CDT1: variants seen among roughly 807,000 people sequenced by gnomAD.
CDT1 encodes chromatin licensing and DNA replication factor 1, also known as DNA replication factor Cdt1.
A neutral mutation model predicts 49.3 loss-of-function variants in CDT1; 66 were observed. That is an observed-to-expected ratio of 1.34 (90% CI 1.10 to 1.64). The LOEUF (loss-of-function observed/expected upper bound fraction) is 1.64. Among genes scored for constraint, CDT1 ranks in the 40% most tolerant of loss-of-function variants. CDT1 has a pLI of 0.00. For synonymous variants in CDT1, 424 were observed against 347.4 expected (o/e 1.22, Z -2.45); for missense variants, 958 against 807.7 (o/e 1.19, Z -2.26).
chr16:88,806,550 C>T lies in CDT1; in HGVS notation c.998C>T (p.Pro333Leu), dbSNP rs150252167. The stretch of plus-strand genomic sequence containing the variant: ...GAGGACCAGCTGACCCGCTGGCACC[C>T]GCGCTTCAACGTGGATGAAGTACCC... ...VPEDQLTRWH[P>L]RFNVDEVPDI... The change falls in exon 7 of 10, where the codon CCG becomes CTG. Residue 333 changes from proline to leucine, a missense_variant. Pro to Leu is a moderately conservative substitution (Grantham distance 98). Coordinates refer to ENST00000301019, the MANE Select transcript of CDT1 (RefSeq NM_030928.4). 1.9e-5 allele frequency: 31 copies of T among 1,609,294 alleles called. No homozygotes were observed. The highest frequency in any genetic ancestry group is 1.6e-4 in the Middle Eastern group (1 of 6,078).
In CDT1 at chr16:88,808,103, C is replaced by T. The variant is rs2142947315; in HGVS notation, c.1478-12C>T. The T allele has an allele frequency of 6.2e-7, 1 of 1,611,534 alleles. No homozygotes were observed. The highest frequency in any genetic ancestry group is 8.5e-7 in the Non-Finnish European group (1 of 1,179,426). ...CCAGCACCAGCCTCAGTGTCCTCCT[C>T]TCCTCCCCCAGGGGAAATGGAGAAG... On this transcript the variant is annotated splice_polypyrimidine_tract_variant and intron_variant, in intron 9 of 9. Transcript: ENST00000301019.
chr16:88,805,992 G>T, intron 5 of CDT1, 29 bp from the exon 6 acceptor site: 1 of 1,577,576 alleles, frequency 6.3e-7, no homozygotes, highest in East Asian at 2.3e-5. Flanking sequence ...GTGGCCTGGT[G>T]GGGACTTAGG....
chr16:88,803,884 C>A lies in CDT1; in HGVS notation c.53C>A (p.Pro18His). The change falls in exon 1 of 10, where the codon CCC becomes CAC. Residue 18 changes from proline (P) to histidine (H), a missense_variant. Coordinates refer to ENST00000301019, the MANE Select transcript of CDT1 (RefSeq NM_030928.4). ...DFFARRRPGP[P>H]RIAPPKLACR... ...TTCGCGCGCCGCCGCCCCGGGCCCC[C>A]CCGCATCGCGCCGCCCAAGCTGGCC... 1.4e-6 allele frequency: 2 copies of A among 1,466,600 alleles called. No individual in the cohort carries two copies. The highest frequency in any genetic ancestry group is 9.0e-7 in the Non-Finnish European group (1 of 1,106,014). The allele number at this position is 1,466,600 out of a possible 1,614,324, so 90.8% of individuals were successfully genotyped here.
chr16:88,807,213 C>T lies in CDT1; in HGVS notation c.1275+10C>T. ...GGATCTGCTGGAGCGGGTGAGTCGT[C>T]CCCAGTGATGGCGGGTGGGCGCCTG... On this transcript the variant is annotated intron_variant, in intron 8 of 9. Coordinates refer to ENST00000301019, the MANE Select transcript of CDT1 (RefSeq NM_030928.4). 8.1e-6 allele frequency: 13 copies of T among 1,612,246 alleles called. No homozygotes were observed. Among genetic ancestry groups the T allele is most frequent in the South Asian group, 1.1e-5 (1 of 91,044 alleles).
intron 6 of CDT1, 126 bp from the exon 7 acceptor site, chr16:88,806,360 A>ACTGAG: frequency 8.2e-7 from 1 of 1,215,078 alleles, no homozygotes. Context: ...CAAGCTGAGC[A>ACTGAG]CTGGGCAGAG....
rs748552177 is a variant in CDT1 at position 88,807,392 on chromosome 16, A to G, written c.1387A>G (p.Ser463Gly). The G allele has an allele frequency of 1.1e-5, 17 of 1,612,642 alleles. No individual in the cohort carries two copies. The Admixed American group carries it at 2.8e-4, about 27-fold the overall frequency. ...RLPELARVLR[S>G]VFVSERKPAL... is the part of the protein sequence containing the mutation. ...GCCTGAGCTGGCCCGCGTGCTGCGGAGCGTCTTTGTGTCCGAACGCAAGCC... is the reference window on the plus strand; with the variant it reads ...GCCTGAGCTGGCCCGCGTGCTGCGGGGCGTCTTTGTGTCCGAACGCAAGCC... Residue 463 changes from serine (S) to glycine (G), a missense_variant, in exon 9 of 10, where the codon AGC becomes GGC. Ser to Gly is a moderately conservative substitution (Grantham distance 56). Transcript: ENST00000301019.
chr16:88,804,672 G>T lies in CDT1; in HGVS notation c.351+5G>T. On this transcript the variant is annotated splice_donor_5th_base_variant and intron_variant, in intron 2 of 9. Transcript: ENST00000301019. ...CTGACATCCGCGCAGGACCAGGTGA[G>T]GGGCGGGGCCTGGGGCAGATGCGGG... The T allele has an allele frequency of 1.9e-6, 3 of 1,612,338 alleles. No homozygotes were observed. Among genetic ancestry groups the T allele is most frequent in the East Asian group, 2.2e-5 (1 of 44,876 alleles).
Position 88,806,659 on chromosome 16 carries a change from C to T in CDT1, c.1107C>T (p.Asn369=), listed in dbSNP as rs775639705. The T allele has an allele frequency of 5.3e-5, 85 of 1,608,726 alleles. 1 individual carries two copies. Among genetic ancestry groups the T allele is most frequent in the Non-Finnish European group, 6.4e-5 (76 of 1,178,812 alleles). Residue 369 remains asparagine (N), a synonymous_variant, in exon 7 of 10, where the codon AAC becomes AAT. Transcript: ENST00000301019. ...AGGAGGTGCTGGCCCGGGCCCGCAA[C>T]CTGATTTCACCCAGGGTGAGACTGC... ...TAQEVLARAR[N]LISPRMEKAL... is the part of the protein sequence containing the mutation.
chr16:88,807,145 C>T lies in CDT1; in HGVS notation c.1217C>T (p.Thr406Ile), dbSNP rs1172232372. The change falls in exon 8 of 10, where the codon ACC becomes ATC. Residue 406 changes from threonine to isoleucine, a missense_variant. Coordinates refer to ENST00000301019, the MANE Select transcript of CDT1 (RefSeq NM_030928.4). ...GCACTGCCGGCTACCCCACCAGCCA[C>T]CCCGCCTGCAGCCTCTCCCAGTGCT... ...RPALPATPPA[T>I]PPAASPSALK... is the part of the protein sequence containing the mutation. The T allele has an allele frequency of 1.2e-6, 2 of 1,612,554 alleles. No homozygotes were observed. The highest frequency in any genetic ancestry group is 2.2e-5 in the South Asian group (2 of 91,062).
rs146476365 is a variant in CDT1, at chr16:88,806,124, G to A, written c.933+3G>A. 196 of 1,592,816 alleles carry A rather than the reference G, an allele frequency of 1.2e-4. No homozygotes were observed. The highest frequency in any genetic ancestry group is 1.0e-4 in the Non-Finnish European group (117 of 1,174,828). ...AGCATGTCAAGGAGCACCACAAGGT[G>A]AGCGGCCCCCGGCCCCGCTGTGTGA... is the stretch of plus-strand genomic sequence containing the variant. On this transcript the variant is annotated splice_donor_region_variant and intron_variant, in intron 6 of 9. Coordinates refer to ENST00000301019, the MANE Select transcript of CDT1 (RefSeq NM_030928.4).
intron 9 of CDT1, 142 bp downstream of exon 9, chr16:88,807,624 G>A: frequency 1.1e-6 from 1 of 870,404 alleles, no homozygotes; most frequent in South Asian, 1.6e-5. Flanking sequence ...TTGCACTGGT[G>A]TGTCCTGGGC....
Position 88,809,119 on chromosome 16 carries a change from C to T in CDT1, c.*841C>T, listed in dbSNP as rs574639635. The T allele has an allele frequency of 1.8e-4, 45 of 257,068 alleles. No individual in the cohort carries two copies. Among genetic ancestry groups the T allele is most frequent in the South Asian group, 8.9e-4 (21 of 23,540 alleles). 15.9% of individuals were successfully genotyped at this position (257,068 alleles called of 1,614,324 possible). The stretch of plus-strand genomic sequence containing the variant: ...CAGCTTTGAAGACGCGGCCCTGCCC[C>T]GACACAGGCAGCCTGGAGAAGCTGG... On this transcript the variant is annotated 3_prime_UTR_variant, in exon 10 of 10. Coordinates refer to ENST00000301019, the MANE Select transcript of CDT1 (RefSeq NM_030928.4).
Position 88,804,685 on chromosome 16 carries a change from G to A in CDT1, c.351+18G>A. The A allele has an allele frequency of 1.9e-6, 3 of 1,612,240 alleles. No individual in the cohort carries two copies. The highest frequency in any genetic ancestry group is 2.5e-6 in the Non-Finnish European group (3 of 1,179,752). ...AGGACCAGGTGAGGGGCGGGGCCTG[G>A]GGCAGATGCGGGAGGGCTGAGTGGT... On this transcript the variant is annotated intron_variant, in intron 2 of 9. Coordinates refer to ENST00000301019, the MANE Select transcript of CDT1 (RefSeq NM_030928.4).
intron 2 of CDT1, 43 bp from the exon 3 acceptor site, chr16:88,804,719 G>A (rs1448426065): frequency 1.2e-6 from 2 of 1,612,428 alleles, no homozygotes; most frequent in African/African-American, 1.3e-5. Flanking sequence ...GTGCCGGCCT[G>A]CCTGCCTGCC....
At position 88,805,869 on chromosome 16, in the gene CDT1, G is replaced by T. The variant is rs1908836457; in HGVS notation, c.832G>T (p.Glu278Ter). Residue 278 changes from glutamate to a stop codon, truncating the protein, a stop_gained and splice_region_variant, in exon 5 of 10, where the codon GAG becomes TAG. Coordinates refer to ENST00000301019, the MANE Select transcript of CDT1 (RefSeq NM_030928.4). LOFTEE classifies it high-confidence loss of function. ...CACCATCGAGCCACTGCTGGAGCAG[G>T]GTGAGTGCTGGGTGCGGGACCTCGG... ...QLTIEPLLEQ[E>*]ADGAAPQLTA... 1.5e-5 allele frequency: 24 copies of T among 1,612,844 alleles called. No individual in the cohort carries two copies. Among genetic ancestry groups the T allele is most frequent in the Non-Finnish European group, 2.0e-5 (24 of 1,179,918 alleles).
chr16:88,804,823 G>A lies in CDT1; in HGVS notation c.413G>A (p.Arg138Gln), dbSNP rs773329755. ...GCCCGGGAGCTGGGGGCAAGAGTCC[G>A]GGCGCTGAAGGCCAGTGCCCAGGAT... ...QRARELGARV[R>Q]ALKASAQDAG... Residue 138 changes from arginine to glutamine, a missense_variant, in exon 3 of 10, where the codon CGG becomes CAG. By Grantham distance (43) the Arg-to-Gln change is conservative. Transcript: ENST00000301019. 54 of 1,612,314 alleles carry A rather than the reference G, an allele frequency of 3.3e-5. No individual in the cohort carries two copies. Among genetic ancestry groups the A allele is most frequent in the Non-Finnish European group, 3.7e-5 (44 of 1,179,808 alleles).
At position 88,804,600 on chromosome 16, in the gene CDT1, G is replaced by T; in HGVS notation, c.284G>T (p.Gly95Val). The change falls in exon 2 of 10, where the codon GGC becomes GTC. Residue 95 changes from glycine (G) to valine (V), a missense_variant. Gly to Val is a moderately radical substitution (Grantham distance 109). Coordinates refer to ENST00000301019, the MANE Select transcript of CDT1 (RefSeq NM_030928.4). ...GACATCCCAGCCTGCCCTTCTCCGG[G>T]CCAGAAGATAAAGAAATCCACCCCG... is the stretch of plus-strand genomic sequence containing the variant. ...APDIPACPSP[G>V]QKIKKSTPAA... is the part of the protein sequence containing the mutation. 6.2e-7 allele frequency: 1 copy of T among 1,612,918 alleles called. No homozygotes were observed. Among genetic ancestry groups the T allele is most frequent in the Non-Finnish European group, 8.5e-7 (1 of 1,179,894 alleles).
rs570140833 is a variant in CDT1 at position 88,806,057 on chromosome 16, G to A, written c.869G>A (p.Arg290His). The change falls in exon 6 of 10, where the codon CGC becomes CAC. Residue 290 changes from arginine to histidine, a missense_variant. Physicochemically the swap from Arg to His is conservative, Grantham distance 29. Coordinates refer to ENST00000301019, the MANE Select transcript of CDT1 (RefSeq NM_030928.4). ...GCAGCCCCCCAGCTCACGGCCTCGC[G>A]CCTCCTGCAGCGACGGCAGATCTTC... Reference protein sequence around the residue: ...DGAAPQLTASRLLQRRQIFSQ... With the variant: ...DGAAPQLTASHLLQRRQIFSQ... 3.8e-6 allele frequency: 6 copies of A among 1,598,906 alleles called. No individual in the cohort carries two copies. Among genetic ancestry groups the A allele is most frequent in the African/African-American group, 1.3e-5 (1 of 74,918 alleles).
Position 88,806,070 on chromosome 16 carries a change from A to G in CDT1, c.882A>G (p.Arg294=). 6.2e-7 allele frequency: 1 copy of G among 1,601,936 alleles called. No individual in the cohort carries two copies. Among genetic ancestry groups the G allele is most frequent in the Non-Finnish European group, 8.5e-7 (1 of 1,177,802 alleles). The stretch of plus-strand genomic sequence containing the variant: ...TCACGGCCTCGCGCCTCCTGCAGCG[A>G]CGGCAGATCTTCAGCCAGAAGCTGG... ...PQLTASRLLQ[R]RQIFSQKLVE... Residue 294 remains arginine, a synonymous_variant, in exon 6 of 10, where the codon CGA becomes CGG. Transcript: ENST00000301019.
Sources: allele counts gnomAD v4.1 joint callset, GRCh38; gene constraint gnomAD v4.1.1; transcripts MANE v1.5; gene names NCBI Gene and HGNC (gene_info 2026-07-23, HGNC 2026-07-21).